The following GALNTL6 variants were observed in gnomAD, a reference collection of about 807,000 sequenced individuals.
GALNTL6 encodes the protein polypeptide N-acetylgalactosaminyltransferase-like 6.
GALNTL6 carries 46 observed loss-of-function variants against 73.7 expected under a neutral mutation model. That is an observed-to-expected ratio of 0.62 (90% confidence interval 0.49 to 0.80). The LOEUF (loss-of-function observed/expected upper bound fraction) is 0.80. Ranked by LOEUF, GALNTL6 falls within the 30% of genes least tolerant of loss-of-function variation. The pLI, the probability that GALNTL6 is intolerant of heterozygous loss-of-function variation, is 0.00. For missense variants in GALNTL6, 604 were observed against 755.0 expected, an observed-to-expected ratio of 0.80 and a Z score of 2.34; for synonymous variants, 259 against 263.7, an observed-to-expected ratio of 0.98 and a Z score of 0.17.
intron 5 of GALNTL6, among the ~76,000 whole-genome samples, chr4:172,411,358 G>GTGGTTTAGAAATATCAGAGGAAGC (rs1744428733): frequency 6.6e-6 from 1 of 152,116 alleles, no homozygotes; most frequent in Non-Finnish European, 1.5e-5. Context: ...CAGAGTTTGA[G>GTGGTTTAGAAATATCAGAGGAAGC]TGGTTTAGAA....
At chr4:172,052,532 G>A (rs531684270) in intron 2 of GALNTL6, 7 of 1,531,616 alleles carry the variant, frequency 4.6e-6, no homozygotes, top group Non-Finnish European at 6.1e-6. Context: ...GGTTTACCAG[G>A]TAACCGGTAA....
intron 2 of GALNTL6, among the ~76,000 whole-genome samples, chr4:171,964,880 G>A (rs113957549): frequency 0.054 from 8,207 of 152,294 alleles, 605 homozygotes; most frequent in African/African-American, 0.16. Flanking sequence ...GCTGGCCACT[G>A]AAGGGACACT....
intron 9 of GALNTL6, among the ~76,000 whole-genome samples, chr4:172,936,976 G>C (rs1748652494): frequency 6.6e-6 from 1 of 152,056 alleles, no homozygotes. Flanking sequence ...GTTTCTTCTA[G>C]AGTGCTTGAG....
intron 5 of GALNTL6, among the ~76,000 whole-genome samples, chr4:172,696,428 A>G (rs1196841791): frequency 6.6e-6 from 1 of 151,872 alleles, no homozygotes; most frequent in Admixed American, 6.6e-5. Flanking sequence ...TTTGTTTTTT[A>G]TTTCTTTCTA....
At chr4:172,315,451 C>T (rs1282957811) in intron 4 of GALNTL6, among the ~76,000 whole-genome samples, 1 of 152,150 alleles carries the variant, frequency 6.6e-6, no homozygotes, top group African/African-American at 2.4e-5. Flanking sequence ...TTAGTAGAGA[C>T]AGAGTTTCTC....
At chr4:171,836,128 AGTAGT>A (rs1383891974) in intron 2 of GALNTL6, among the ~76,000 whole-genome samples, 1 of 152,096 alleles carries the variant, frequency 6.6e-6, no homozygotes, top group Non-Finnish European at 1.5e-5. Flanking sequence ...AGCATCCTTT[AGTAGT>A]GTGGACACTG....
intron 5 of GALNTL6, among the ~76,000 whole-genome samples, chr4:172,516,473 C>G (rs1484003288): frequency 6.6e-6 from 1 of 152,032 alleles, no homozygotes; most frequent in Non-Finnish European, 1.5e-5. Context: ...TATCATTGTC[C>G]TCCAAACAAA....
At chr4:173,027,172 C>T (rs1188552000) in intron 12 of GALNTL6, among the ~76,000 whole-genome samples, 2 of 151,992 alleles carry the variant, frequency 1.3e-5, no homozygotes, top group African/African-American at 4.8e-5. Context: ...TTAGTAGAGA[C>T]GGGGTTTCAC....
At position 171,946,114 on chromosome 4, in the gene GALNTL6, A is replaced by G. The variant is rs559139820; in HGVS notation, c.138+131396A>G. ...AGAATTAGCAAGCTGGGTATTGCCAATACAAAATTTGTAGTTCAAATAGAA... is the reference window on the plus strand; with the variant it reads ...AGAATTAGCAAGCTGGGTATTGCCAGTACAAAATTTGTAGTTCAAATAGAA... On this transcript the variant is annotated intron_variant, in intron 2 of 12. Transcript: ENST00000506823. Among the ~76,000 whole-genome samples the G allele has an allele frequency of 4.6e-5, 7 of 152,300 alleles. No individual in the cohort carries two copies. In the East Asian group the frequency reaches 5.8e-4, roughly 13 times the overall value.
rs755541857 is a variant in GALNTL6, at chr4:172,948,984, A to G, written c.1150-3053A>G. Among the ~76,000 whole-genome samples, 6 of 152,272 alleles carry G rather than the reference A, an allele frequency of 3.9e-5. 1 individual carries two copies. The Middle Eastern group carries it at 0.014, about 345-fold the overall frequency. ...ATCATGATCCTCTGAGCCTTTTCCCATTGACTGCACCGGAATTAGTTAGTT... is the reference window on the plus strand; with the variant it reads ...ATCATGATCCTCTGAGCCTTTTCCCGTTGACTGCACCGGAATTAGTTAGTT... On this transcript the variant is annotated intron_variant, in intron 9 of 12. Coordinates refer to ENST00000506823, the MANE Select transcript of GALNTL6 (RefSeq NM_001034845.3).
intron 5 of GALNTL6, among the ~76,000 whole-genome samples, chr4:172,651,989 A>G (rs574466946): frequency 6.6e-6 from 1 of 152,212 alleles, no homozygotes; most frequent in Non-Finnish European, 1.5e-5. Flanking sequence ...GGCAAATCCT[A>G]TCTGGAAGAA....
intron 2 of GALNTL6, among the ~76,000 whole-genome samples, chr4:171,904,565 ACT>A (rs1434721204): frequency 6.6e-6 from 1 of 152,186 alleles, no homozygotes; most frequent in Non-Finnish European, 1.5e-5. Context: ...GTTGGAAAAC[ACT>A]CTGCAGGATA....
At chr4:172,481,984 G>A (rs899770869) in intron 5 of GALNTL6, among the ~76,000 whole-genome samples, 3 of 152,196 alleles carry the variant, frequency 2.0e-5, no homozygotes, top group Non-Finnish European at 4.4e-5. Flanking sequence ...CACCGCAGGG[G>A]GCTCAGACAT....
intron 5 of GALNTL6, among the ~76,000 whole-genome samples, chr4:172,389,980 A>G (rs755521327): frequency 8.5e-5 from 13 of 152,162 alleles, no homozygotes; most frequent in Non-Finnish European, 1.8e-4. Context: ...CGACAGATCC[A>G]CACTGTATAA....
At chr4:172,078,110 G>A (rs1166104011) in intron 2 of GALNTL6, among the ~76,000 whole-genome samples, 2 of 152,154 alleles carry the variant, frequency 1.3e-5, no homozygotes, top group African/African-American at 4.8e-5. Context: ...GAGGATGTAA[G>A]GAAATGCCTG....
chr4:172,310,126 T>C (rs895463691), intron 3 of GALNTL6, among the ~76,000 whole-genome samples: 2 of 152,102 alleles, frequency 1.3e-5, no homozygotes, highest in East Asian at 3.9e-4. Flanking sequence ...TTGCATATAT[T>C]AAAAGGGGTT....
rs1387448600 is a variant in GALNTL6 at position 172,071,055 on chromosome 4, TAA to T, written c.139-158600_139-158599del. The stretch of plus-strand genomic sequence containing the variant: ...ATTTTGAAAACAATTGCCTCAGAAG[TAA>T]GAGTCAGATCTGATGTAGCGAGGTG... On this transcript the variant is annotated intron_variant, in intron 2 of 12. Coordinates refer to ENST00000506823, the MANE Select transcript of GALNTL6 (RefSeq NM_001034845.3). 1.8e-5 allele frequency among the ~76,000 whole-genome samples: 2 copies of T among 109,470 alleles called. 1 individual carries two copies. The highest frequency in any genetic ancestry group is 6.9e-5 in the African/African-American group (2 of 29,026). 71.8% of individuals were successfully genotyped at this position (109,470 alleles called of 152,430 possible).
chr4:172,818,293 A>G (rs1196033559), intron 7 of GALNTL6, among the ~76,000 whole-genome samples: 1 of 152,218 alleles, frequency 6.6e-6, no homozygotes, highest in Non-Finnish European at 1.5e-5. Context: ...TCCTTTTGCT[A>G]AATAGAAATA....
Position 171,978,427 on chromosome 4 carries a change from T to TA in GALNTL6, c.138+163710dup, listed in dbSNP as rs539525813. On this transcript the variant is annotated intron_variant, in intron 2 of 12. Coordinates refer to ENST00000506823, the MANE Select transcript of GALNTL6 (RefSeq NM_001034845.3). ...GCAGGAATCAGAAAAGGAGGGTGTT[T>TA]AGGGGAGATATGTCCACTCTAAACT... Among the ~76,000 whole-genome samples, 8 of 152,128 alleles carry TA rather than the reference T, an allele frequency of 5.3e-5. No homozygotes were observed. In the South Asian group the frequency reaches 1.2e-3, roughly 24 times the overall value.
Sources: allele counts gnomAD v4.1 joint callset (sites outside exome capture counted in the v4.1 genomes callset), GRCh38; gene constraint gnomAD v4.1.1; transcripts MANE v1.5; gene names NCBI Gene and HGNC (gene_info 2026-07-23, HGNC 2026-07-21).